PCDH11X: variants seen among roughly 807,000 people sequenced by gnomAD.
The protein encoded by PCDH11X is protocadherin 11 X-linked.
In PCDH11X, 18 loss-of-function variants were observed where a neutral mutation model predicts 53.3. That is an observed-to-expected ratio of 0.34 (90% CI 0.23 to 0.50). PCDH11X has a LOEUF of 0.50. Ranked by LOEUF, PCDH11X falls within the 20% of genes least tolerant of loss-of-function variation. PCDH11X has a pLI of 0.98. For synonymous variants in PCDH11X, 279 were observed against 393.3 expected (o/e 0.71, Z 3.44); for missense variants, 570 against 1,032.4 (o/e 0.55, Z 6.14).
At chrX:92,028,951 A>G (rs1201387120) in intron 6 of PCDH11X, among the ~76,000 whole-genome samples, 5 of 109,811 alleles carry the variant, frequency 4.6e-5, no homozygotes, top group African/African-American at 1.7e-4. Context: ...AGGAAGAATC[A>G]ATGACCCATC....
chrX:92,232,363 T>G (rs1283194162), intron 7 of PCDH11X, among the ~76,000 whole-genome samples: 1 of 111,916 alleles, frequency 8.9e-6, no homozygotes, highest in Non-Finnish European at 1.9e-5. Context: ...TGTCATGTAC[T>G]ATAGTGAACC....
intron 8 of PCDH11X, among the ~76,000 whole-genome samples, chrX:92,299,021 T>A (rs1466402237): frequency 2.7e-5 from 3 of 111,516 alleles, no homozygotes; most frequent in Non-Finnish European, 5.6e-5. Flanking sequence ...TTAACTTAGA[T>A]GGGTCTAGCT....
At chrX:91,865,688 C>T (rs1229966512) in intron 5 of PCDH11X, among the ~76,000 whole-genome samples, 2 of 112,115 alleles carry the variant, frequency 1.8e-5, no homozygotes, top group East Asian at 2.8e-4. Flanking sequence ...TATTGTACCG[C>T]GACTGAGTTG....
In PCDH11X at chrX:91,972,323, A is replaced by G. The variant is rs12116186; in HGVS notation, c.3033+93050A>G. Among the ~76,000 whole-genome samples the G allele has an allele frequency of 6.7e-3, 602 of 89,637 alleles. 6 individuals are homozygous for G. Among genetic ancestry groups the G allele is most frequent in the African/African-American group, 0.024 (581 of 24,149 alleles). The allele number at this position is 89,637 out of a possible 115,157, so 77.8% of individuals were successfully genotyped here. On this transcript the variant is annotated intron_variant, in intron 6 of 10. Transcript: ENST00000682573. The stretch of plus-strand genomic sequence containing the variant: ...TGTTTTTTTCTTGTAAATTTGTTTG[A>G]GTTCATTGTAGATTCTGGATATTAG...
chrX:92,018,154 C>T (rs2062827451), intron 6 of PCDH11X, among the ~76,000 whole-genome samples: 1 of 109,104 alleles, frequency 9.2e-6, no homozygotes, highest in African/African-American at 3.3e-5. Context: ...ATAAAGATGA[C>T]TGGAAAAAGA....
intron 7 of PCDH11X, among the ~76,000 whole-genome samples, chrX:92,245,785 T>C (rs914256912): frequency 7.1e-5 from 8 of 111,996 alleles, no homozygotes; most frequent in African/African-American, 2.3e-4. Context: ...TCCTTACATA[T>C]GATGCACCTT....
At chrX:91,987,065 G>T (rs927167578) in intron 6 of PCDH11X, among the ~76,000 whole-genome samples, 6 of 110,255 alleles carry the variant, frequency 5.4e-5, no homozygotes, top group African/African-American at 1.6e-4. Context: ...AATGAAAATT[G>T]TCTCCTACAA....
intron 6 of PCDH11X, among the ~76,000 whole-genome samples, chrX:92,198,940 TAAATA>T (rs1175166617): frequency 1.8e-5 from 2 of 111,408 alleles, no homozygotes; most frequent in Non-Finnish European, 3.8e-5. Flanking sequence ...ACCTCCTCCA[TAAATA>T]AAATAATTCA....
At chrX:92,272,525 A>T (rs1367780745) in intron 8 of PCDH11X, among the ~76,000 whole-genome samples, 2 of 111,797 alleles carry the variant, frequency 1.8e-5, no homozygotes, top group Non-Finnish European at 3.8e-5. Context: ...ATTTATTTGA[A>T]TTTTTTTATT....
intron 6 of PCDH11X, among the ~76,000 whole-genome samples, chrX:92,031,378 A>G (rs1473765083): frequency 6.0e-5 from 6 of 99,251 alleles, no homozygotes; most frequent in African/African-American, 2.4e-4. Flanking sequence ...TGTTCTGGTT[A>G]TTAATCCTTT....
At chrX:92,073,951 T>A (rs1362708108) in intron 6 of PCDH11X, among the ~76,000 whole-genome samples, 1 of 112,204 alleles carries the variant, frequency 8.9e-6, no homozygotes. Flanking sequence ...TGTTTGCAAG[T>A]GTTTCATGTG....
intron 6 of PCDH11X, among the ~76,000 whole-genome samples, chrX:92,147,984 C>CTTTCTTTCTTTCTTTCTTT (rs2065322747): frequency 2.8e-5 from 2 of 72,127 alleles, no homozygotes; most frequent in African/African-American, 1.6e-4. Flanking sequence ...TTCCTTCCTT[C>CTTTCTTTCTTTCTTTCTTT]CTTTCTTTCT....
intron 8 of PCDH11X, among the ~76,000 whole-genome samples, chrX:92,278,370 T>C (rs940904026): frequency 2.7e-4 from 30 of 111,897 alleles, no homozygotes; most frequent in Non-Finnish European, 4.5e-4. Flanking sequence ...ATTTCATGCG[T>C]GTCCGTGTGA....
At chrX:91,929,581 T>G (rs781265108) in intron 6 of PCDH11X, among the ~76,000 whole-genome samples, 14 of 111,052 alleles carry the variant, frequency 1.3e-4, no homozygotes, top group African/African-American at 3.9e-4. Context: ...CATGGCCACG[T>G]TGATTAGCAA....
At chrX:92,377,887 T>C (rs899471043) in intron 8 of PCDH11X, among the ~76,000 whole-genome samples, 2 of 106,564 alleles carry the variant, frequency 1.9e-5, no homozygotes, top group Non-Finnish European at 3.9e-5. Context: ...TATAAAATTA[T>C]ATATATATAT....
chrX:92,174,656 G>A (rs1352653922), intron 6 of PCDH11X, among the ~76,000 whole-genome samples: 1 of 111,750 alleles, frequency 8.9e-6, no homozygotes, highest in East Asian at 2.8e-4. Context: ...CTCAGGAATG[G>A]CAGCTCTGAT....
intron 10 of PCDH11X, among the ~76,000 whole-genome samples, chrX:92,580,483 G>A (rs1923543160): frequency 9.3e-6 from 1 of 107,604 alleles, no homozygotes; most frequent in African/African-American, 3.5e-5. Flanking sequence ...AAGAGGGATG[G>A]ATCCTAGTCC....
At chrX:92,494,630 C>T (rs917168568) in intron 10 of PCDH11X, among the ~76,000 whole-genome samples, 4 of 111,418 alleles carry the variant, frequency 3.6e-5, no homozygotes, top group African/African-American at 1.3e-4. Flanking sequence ...ACTGACAATA[C>T]TGAATTTACA....
intron 6 of PCDH11X, among the ~76,000 whole-genome samples, chrX:92,021,243 A>T (rs2062879520): frequency 9.0e-6 from 1 of 111,311 alleles, no homozygotes; most frequent in Non-Finnish European, 1.9e-5. Flanking sequence ...AGCATTTTCT[A>T]ACCCAGTGCA....
Sources: allele counts gnomAD v4.1 joint callset (sites outside exome capture counted in the v4.1 genomes callset), GRCh38; gene constraint gnomAD v4.1.1; transcripts MANE v1.5; gene names NCBI Gene and HGNC (gene_info 2026-07-23, HGNC 2026-07-21).